Variants in FAM3D observed in about 807,000 individuals in gnomAD.
FAM3D encodes FAM3 metabolism regulating signaling molecule D.
Under a neutral mutation model 29.8 loss-of-function variants are expected in FAM3D, and 26 were observed. That is an observed-to-expected ratio of 0.87 (90% CI 0.64 to 1.21). The LOEUF is 1.21. FAM3D is among the 50% of genes most tolerant of loss of function. The pLI, the probability that FAM3D is intolerant of heterozygous loss-of-function variation, is 0.00. For missense variants in FAM3D, 253 were observed against 290.9 expected (o/e 0.87, Z 0.95); for synonymous variants, 115 against 102.3 (o/e 1.12, Z -0.75).
chr3:58,653,605 G>T, intron 3 of FAM3D, 69 bp downstream of exon 3: 1 of 1,424,714 alleles, frequency 7.0e-7, no homozygotes, highest in Non-Finnish European at 9.8e-7. Context: ...TAGGGATGGA[G>T]GGAAGAATAT....
intron 6 of FAM3D, among the ~76,000 whole-genome samples, chr3:58,642,736 C>T (rs1235662165): frequency 6.6e-6 from 1 of 152,184 alleles, no homozygotes; most frequent in Middle Eastern, 3.2e-3. Flanking sequence ...TCCCTGCCTC[C>T]AGCCCCCCTA....
chr3:58,649,217 TC>T, intron 4 of FAM3D, 97 bp downstream of exon 4: 1 of 1,428,820 alleles, frequency 7.0e-7, no homozygotes, highest in Non-Finnish European at 9.6e-7. Context: ...CCTGCAGGGC[TC>T]AGAGCAGGGG....
At chr3:58,650,862 C>A (rs566568928) in intron 3 of FAM3D, among the ~76,000 whole-genome samples, 1 of 152,142 alleles carries the variant, frequency 6.6e-6, no homozygotes, top group Non-Finnish European at 1.5e-5. Context: ...GGACTACAGG[C>A]GCCCGCCACC....
In FAM3D at chr3:58,634,573, C is replaced by G; in HGVS notation, c.586-205G>C. 3 of 523,964 alleles carry G rather than the reference C, an allele frequency of 5.7e-6. No homozygotes were observed. The highest frequency in any genetic ancestry group is 1.0e-5 in the Non-Finnish European group (3 of 297,638). The allele number at this position is 523,964 out of a possible 1,614,324, so 32.5% of individuals were successfully genotyped here. A position where few individuals can be genotyped will look rare whatever the true frequency, so the allele number is the denominator to read the frequency against. On this transcript the variant is annotated intron_variant, in intron 9 of 9. Transcript: ENST00000358781. The surrounding 1 kb of genome is among the most constrained non-coding windows in gnomAD (Gnocchi z 4.6). ...ATCAGAGCCCAGTTAACTGCTCTCA[C>G]GCCCTGAAGGGTAACCAGTTGTTGG...
rs1479308161 is a variant in FAM3D, at chr3:58,634,521, C to G, written c.586-153G>C. On this transcript the variant is annotated intron_variant, in intron 9 of 9. Transcript: ENST00000358781. This position sits in a 1 kb window ranked among gnomAD's most constrained non-coding sequence, Gnocchi z 4.6. Reference sequence around the variant, plus strand: ...GAAACTGAGGCTCAGAGAGGGGATGCAACTTGCTCAAGATCTCAGAGATGG... The same window carrying G: ...GAAACTGAGGCTCAGAGAGGGGATGGAACTTGCTCAAGATCTCAGAGATGG... 1 of 627,258 alleles carries G rather than the reference C, an allele frequency of 1.6e-6. No individual in the cohort carries two copies. The highest frequency in any genetic ancestry group is 3.0e-5 in the East Asian group (1 of 33,540). 38.9% of individuals were successfully genotyped at this position (627,258 alleles called of 1,614,324 possible). A position where few individuals can be genotyped will look rare whatever the true frequency, so the allele number is the denominator to read the frequency against.
At chr3:58,659,089 TC>T (rs2066882197) in intron 1 of FAM3D, among the ~76,000 whole-genome samples, 1 of 152,178 alleles carries the variant, frequency 6.6e-6, no homozygotes, top group African/African-American at 2.4e-5. Flanking sequence ...TTTGATTTCT[TC>T]CTTTGTGAAA....
intron 7 of FAM3D, 101 bp from the exon 8 acceptor site, chr3:58,637,326 G>T: frequency 9.5e-7 from 1 of 1,056,358 alleles, no homozygotes; most frequent in Non-Finnish European, 1.4e-6. Context: ...AGCTAGGCCC[G>T]GTGGACACTG....
At chr3:58,637,108 T>C (rs1336783189) in intron 8 of FAM3D, 33 bp downstream of exon 8, 1 of 1,590,394 alleles carries the variant, frequency 6.3e-7, no homozygotes, top group South Asian at 1.1e-5. Context: ...TTTGCATCAC[T>C]GTGTGGCCTG....
chr3:58,665,228 C>T (rs559090067), intron 1 of FAM3D, among the ~76,000 whole-genome samples: 3 of 152,246 alleles, frequency 2.0e-5, no homozygotes, highest in African/African-American at 4.8e-5. Context: ...GCAAACTCCT[C>T]CCTAGCCTGT....
At position 58,637,127 on chromosome 3, in the gene FAM3D, A is replaced by C. The variant is rs1216861101; in HGVS notation, c.458+14T>G. ...CATCACTGTGTGGCCTGGCAGGTAG[A>C]GTTTTCTACTTACTTGGTCCCTGGA... is the stretch of plus-strand genomic sequence containing the variant. On this transcript the variant is annotated intron_variant, in intron 8 of 9. Transcript: ENST00000358781. 1.9e-6 allele frequency: 3 copies of C among 1,611,802 alleles called. No individual in the cohort carries two copies. Among genetic ancestry groups the C allele is most frequent in the South Asian group, 1.1e-5 (1 of 90,794 alleles).
intron 1 of FAM3D, among the ~76,000 whole-genome samples, chr3:58,660,982 T>G (rs2066918397): frequency 6.6e-6 from 1 of 152,190 alleles, no homozygotes; most frequent in Non-Finnish European, 1.5e-5. Context: ...TTTGCCCAAC[T>G]CAAGCACAAG....
chr3:58,641,625 C>T (rs1245609975), intron 6 of FAM3D, among the ~76,000 whole-genome samples: 1 of 152,182 alleles, frequency 6.6e-6, no homozygotes, highest in African/African-American at 2.4e-5. Context: ...ACCTCAGCCT[C>T]TCAAAGTGCT....
intron 3 of FAM3D, among the ~76,000 whole-genome samples, chr3:58,651,296 C>T (rs1017936079): frequency 6.6e-6 from 1 of 152,200 alleles, no homozygotes; most frequent in African/African-American, 2.4e-5. Context: ...GCTTCTATAT[C>T]AGTGCATTAA....
At chr3:58,646,152 A>G (rs1445068175) in intron 4 of FAM3D, among the ~76,000 whole-genome samples, 1 of 152,210 alleles carries the variant, frequency 6.6e-6, no homozygotes, top group African/African-American at 2.4e-5. Flanking sequence ...TGAGGAATAC[A>G]TGAGTGTGGT....
intron 1 of FAM3D, among the ~76,000 whole-genome samples, chr3:58,656,789 G>A (rs1421855803): frequency 6.6e-6 from 1 of 152,202 alleles, no homozygotes; most frequent in Non-Finnish European, 1.5e-5. Flanking sequence ...AGGAGACTGG[G>A]CTCATGCCTG....
intron 1 of FAM3D, among the ~76,000 whole-genome samples, chr3:58,658,707 C>A (rs1559508610): frequency 6.6e-6 from 1 of 152,134 alleles, no homozygotes; most frequent in Non-Finnish European, 1.5e-5. Flanking sequence ...TTGCAATTTC[C>A]CTGTGATTGG....
chr3:58,659,185 G>T (rs1038323115), intron 1 of FAM3D, among the ~76,000 whole-genome samples: 1 of 152,182 alleles, frequency 6.6e-6, no homozygotes, highest in African/African-American at 2.4e-5. Flanking sequence ...TCCTGGCAGG[G>T]TCCACTCATC....
chr3:58,643,916 A>G (rs1344867521), intron 5 of FAM3D, among the ~76,000 whole-genome samples, 196 bp from the exon 6 acceptor site: 1 of 152,194 alleles, frequency 6.6e-6, no homozygotes, highest in Non-Finnish European at 1.5e-5. Context: ...TTCTCAAGGC[A>G]TGTTGGACCA....
chr3:58,649,257 G>A, intron 4 of FAM3D, 58 bp downstream of exon 4: 1 of 1,591,616 alleles, frequency 6.3e-7, no homozygotes, highest in Non-Finnish European at 8.6e-7. Context: ...TAGGGCAAAT[G>A]GGAGCAGGGG....
Sources: allele counts gnomAD v4.1 joint callset (sites outside exome capture counted in the v4.1 genomes callset), GRCh38; gene constraint gnomAD v4.1.1; non-coding constraint Gnocchi (gnomAD v3.1); transcripts MANE v1.5; gene names NCBI Gene and HGNC (gene_info 2026-07-23, HGNC 2026-07-21).